Variants in CLEC4C observed in about 807,000 individuals in gnomAD.
CLEC4C encodes the protein C-type (calcium dependent, carbohydrate-recognition domain) lectin, superfamily member 11.
Under a neutral mutation model 27.7 loss-of-function variants are expected in CLEC4C, and 17 were observed. The observed-to-expected ratio is 0.61, with a 90% CI of 0.42 to 0.92. CLEC4C has a LOEUF of 0.92. CLEC4C is among the 40% of genes least tolerant of loss of function. The pLI, the probability that CLEC4C is intolerant of heterozygous loss-of-function variation, is 0.00. For synonymous variants in CLEC4C, 80 were observed against 80.8 expected (o/e 0.99, Z 0.06); for missense variants, 244 against 257.3 (o/e 0.95, Z 0.35).
intron 2 of CLEC4C, among the ~76,000 whole-genome samples, chr12:7,743,778 T>C (rs779765595): frequency 2.0e-5 from 3 of 152,330 alleles, no homozygotes; most frequent in African/African-American, 7.2e-5. Flanking sequence ...TCCTCTCAGA[T>C]AATTAAATAA....
At position 7,745,931 on chromosome 12, in the gene CLEC4C, C is replaced by T. The variant is rs146450537; in HGVS notation, c.124+400G>A. On this transcript the variant is annotated intron_variant, in intron 2 of 5. Transcript: ENST00000360345. ...GCCATTTTATGTCAAGAAAGGGGAA[C>T]GTGGCCGGGCGCGGTGGCTCACACC... Among the ~76,000 whole-genome samples the T allele has an allele frequency of 7.7e-4, 117 of 151,242 alleles. 1 individual carries two copies. The East Asian group carries it at 0.019, about 25-fold the overall frequency.
chr12:7,736,055 G>A (rs750507935), intron 4 of CLEC4C, among the ~76,000 whole-genome samples: 10 of 151,896 alleles, frequency 6.6e-5, no homozygotes, highest in African/African-American at 2.2e-4. Context: ...AGGCCGAGGT[G>A]GGTGGATCAC....
chr12:7,742,576 C>T (rs889860762), intron 2 of CLEC4C, among the ~76,000 whole-genome samples: 3 of 150,700 alleles, frequency 2.0e-5, no homozygotes, highest in Admixed American at 6.6e-5. Context: ...TTTGGGAGGC[C>T]GAGGTGGGTG....
In CLEC4C at chr12:7,738,147, T is replaced by G. The variant is rs1258252145; in HGVS notation, c.236-573A>C. Among the ~76,000 whole-genome samples the G allele has an allele frequency of 2.6e-5, 4 of 152,222 alleles. No individual in the cohort carries two copies. The East Asian group carries it at 7.7e-4, about 29-fold the overall frequency. The stretch of plus-strand genomic sequence containing the variant: ...TATAAATATCATTTAGAGTTTAGCA[T>G]CCCATTATAAAGAATGAGTCCAGAG... On this transcript the variant is annotated intron_variant, in intron 3 of 5. Coordinates refer to ENST00000360345, the MANE Select transcript of CLEC4C (RefSeq NM_001371390.1).
chr12:7,747,721 T>C (rs1284670352), upstream of CLEC4C, among the ~76,000 whole-genome samples: 1 of 134,368 alleles, frequency 7.4e-6, no homozygotes, highest in Non-Finnish European at 1.6e-5. Context: ...AGCTCACTAC[T>C]ACCTCTGCCT....
intron 4 of CLEC4C, 86 bp from the exon 5 acceptor site, chr12:7,730,998 C>T (rs975328688): frequency 6.1e-6 from 4 of 657,332 alleles, no homozygotes; most frequent in Non-Finnish European, 1.1e-5. Context: ...AGTTCCAGCT[C>T]CCTTTCTAGC....
chr12:7,736,674 C>G (rs151240308), intron 4 of CLEC4C, among the ~76,000 whole-genome samples: 3 of 151,934 alleles, frequency 2.0e-5, no homozygotes, highest in African/African-American at 7.3e-5. Flanking sequence ...TTTGGGAGGC[C>G]GAGACGGGCA....
intron 3 of CLEC4C, among the ~76,000 whole-genome samples, chr12:7,738,837 T>G (rs375797253): frequency 9.2e-5 from 14 of 152,136 alleles, no homozygotes; most frequent in African/African-American, 3.1e-4. Flanking sequence ...TTAATTATAC[T>G]TTAAGTTCTA....
intron 4 of CLEC4C, among the ~76,000 whole-genome samples, chr12:7,733,115 C>G (rs1175396398): frequency 2.6e-5 from 4 of 151,884 alleles, no homozygotes; most frequent in Non-Finnish European, 1.5e-5. Context: ...TTTACTAAGT[C>G]TCAGGAAACA....
intron 4 of CLEC4C, among the ~76,000 whole-genome samples, chr12:7,734,331 A>T (rs1248022375): frequency 6.6e-6 from 1 of 152,150 alleles, no homozygotes; most frequent in Non-Finnish European, 1.5e-5. Flanking sequence ...AAAACTTTGT[A>T]CGGTTAGGCA....
At chr12:7,734,552 ATTTTTTTT>A (rs34564177) in intron 4 of CLEC4C, among the ~76,000 whole-genome samples, 1 of 142,810 alleles carries the variant, frequency 7.0e-6, no homozygotes, top group East Asian at 2.1e-4. Flanking sequence ...GAGGCCTCCA[ATTTTTTTT>A]TTTTTTTTGA....
chr12:7,744,852 C>T (rs1459003704), intron 2 of CLEC4C, among the ~76,000 whole-genome samples: 4 of 150,116 alleles, frequency 2.7e-5, no homozygotes, highest in East Asian at 2.0e-4. Context: ...TGTCCTCAAG[C>T]GATCCTCCCA....
chr12:7,731,300 A>C (rs770853456), intron 4 of CLEC4C, among the ~76,000 whole-genome samples: 1 of 152,136 alleles, frequency 6.6e-6, no homozygotes, highest in Non-Finnish European at 1.5e-5. Flanking sequence ...TCCCTCCCAG[A>C]TAAGCACAAC....
In CLEC4C at chr12:7,729,536, A is replaced by G; in HGVS notation, c.*60T>C. ...AACTTACACATAAATTAAAAAATCAATTTAGCTTTCTACAACGGTGGATGC... is the reference window on the plus strand; with the variant it reads ...AACTTACACATAAATTAAAAAATCAGTTTAGCTTTCTACAACGGTGGATGC... On this transcript the variant is annotated 3_prime_UTR_variant, in exon 6 of 6. Coordinates refer to ENST00000360345, the MANE Select transcript of CLEC4C (RefSeq NM_001371390.1). The G allele has an allele frequency of 2.0e-6, 3 of 1,523,842 alleles. No individual in the cohort carries two copies. The highest frequency in any genetic ancestry group is 2.7e-6 in the Non-Finnish European group (3 of 1,118,358). 94.4% of individuals were successfully genotyped at this position (1,523,842 alleles called of 1,614,324 possible).
intron 2 of CLEC4C, among the ~76,000 whole-genome samples, chr12:7,743,353 G>A (rs1471673992): frequency 6.6e-6 from 1 of 151,498 alleles, no homozygotes; most frequent in African/African-American, 2.4e-5. Context: ...AGCAAGATCT[G>A]ACTTTTCACT....
intron 3 of CLEC4C, among the ~76,000 whole-genome samples, chr12:7,737,812 T>C (rs1274012290): frequency 2.6e-5 from 4 of 152,126 alleles, no homozygotes; most frequent in African/African-American, 9.7e-5. Context: ...TTTTGGGCCA[T>C]ACGGTTTCTG....
intron 2 of CLEC4C, among the ~76,000 whole-genome samples, chr12:7,744,908 A>G (rs1864937556): frequency 6.6e-6 from 1 of 152,130 alleles, no homozygotes; most frequent in Non-Finnish European, 1.5e-5. Context: ...CTGCCTGGCC[A>G]TATGAACAAT....
chr12:7,734,552 A>AT (rs34564177), intron 4 of CLEC4C, among the ~76,000 whole-genome samples: 78,395 of 142,776 alleles, frequency 0.55, 21,472 homozygotes, highest in South Asian at 0.72. Context: ...GAGGCCTCCA[A>AT]TTTTTTTTTT....
chr12:7,734,217 G>A (rs1233822701), intron 4 of CLEC4C, among the ~76,000 whole-genome samples: 1 of 152,130 alleles, frequency 6.6e-6, no homozygotes, highest in African/African-American at 2.4e-5. Context: ...GAACATTCAA[G>A]CAGTCTATTG....
Sources: gnomAD v4.1 joint callset for allele counts (sites outside exome capture counted in the v4.1 genomes callset) on GRCh38, gnomAD v4.1.1 for gene constraint, MANE v1.5 for transcripts, NCBI Gene and HGNC (gene_info 2026-07-23, HGNC 2026-07-21) for gene names.